The following MEIG1 variants were observed in gnomAD, a reference collection of about 807,000 sequenced individuals.
MEIG1 encodes meiosis expressed gene 1 protein homolog.
Under a neutral mutation model 11.3 loss-of-function variants are expected in MEIG1, and 12 were observed. The observed-to-expected ratio is 1.07, with a 90% CI of 0.68 to 1.73. The LOEUF is 1.73. MEIG1 is among the 40% of genes most tolerant of loss of function. The probability of loss-of-function intolerance (pLI) is 0.00; values close to 1 mark genes in which losing one functional copy is unlikely to be tolerated. For synonymous variants in MEIG1, 41 were observed against 33.2 expected, an observed-to-expected ratio of 1.24 and a Z score of -0.81; for missense variants, 119 against 104.9, an observed-to-expected ratio of 1.13 and a Z score of -0.59.
At chr10:14,974,848 G>A (rs1765932812), downstream of MEIG1, among the ~76,000 whole-genome samples, 1 of 151,828 alleles carries the variant, frequency 6.6e-6, no homozygotes, top group Non-Finnish European at 1.5e-5. Flanking sequence ...AACACTTTAT[G>A]AGCAATGATT....
At position 14,968,736 on chromosome 10, in the gene MEIG1, T is replaced by C. The variant is rs534733626; in HGVS notation, c.138+2130T>C. Among the ~76,000 whole-genome samples, 30 of 152,172 alleles carry C rather than the reference T, an allele frequency of 2.0e-4. 1 individual carries two copies. The South Asian group carries it at 6.0e-3, about 30-fold the overall frequency. On this transcript the variant is annotated intron_variant, in intron 2 of 2. Transcript: ENST00000407572. ...ATAATTTTCATTACTATATCATCTA[T>C]GGCTTTTAAACAGAAAAAACAGAAG...
chr10:14,962,491 A>G (rs1843025530), intron 1 of MEIG1, among the ~76,000 whole-genome samples: 2 of 152,198 alleles, frequency 1.3e-5, no homozygotes, highest in African/African-American at 4.8e-5. Flanking sequence ...CCCAAAGTCC[A>G]ATTGAATACA....
At chr10:14,965,271 T>A (rs1240747119) in intron 1 of MEIG1, among the ~76,000 whole-genome samples, 1 of 152,228 alleles carries the variant, frequency 6.6e-6, no homozygotes, top group East Asian at 1.9e-4. Flanking sequence ...TTCTGTACAC[T>A]TTATTTCAGT....
chr10:14,955,772 C>T (rs1248310386), upstream of MEIG1, among the ~76,000 whole-genome samples: 1 of 152,132 alleles, frequency 6.6e-6, no homozygotes, highest in Admixed American at 6.5e-5. Context: ...ACTCAGAGTT[C>T]TATTCAAATA....
At position 14,961,932 on chromosome 10, in the gene MEIG1, C is replaced by T. The variant is rs967581432; in HGVS notation, c.-30+2375C>T. 4.6e-5 allele frequency among the ~76,000 whole-genome samples: 7 copies of T among 152,034 alleles called. No homozygotes were observed. In the East Asian group the frequency reaches 9.6e-4, roughly 21 times the overall value. On this transcript the variant is annotated intron_variant, in intron 1 of 2. Transcript: ENST00000407572. ...AAACAATCCTCCCACCTTAGCCTCC[C>T]CAGTAGCTGAGACTACAGTCATGGG...
At chr10:14,964,635 A>ATTTTTT (rs1564504045) in intron 1 of MEIG1, among the ~76,000 whole-genome samples, 1 of 43,210 alleles carries the variant, frequency 2.3e-5, no homozygotes, top group Non-Finnish European at 4.9e-5. Context: ...ATATATGTAT[A>ATTTTTT]CTTTTTTTTT....
intron 2 of MEIG1, among the ~76,000 whole-genome samples, chr10:14,968,345 G>A (rs781057418): frequency 3.3e-5 from 5 of 151,930 alleles, no homozygotes; most frequent in Non-Finnish European, 5.9e-5. Flanking sequence ...AAAATTAGCC[G>A]GGCATGGTGG....
downstream of MEIG1, chr10:14,972,869 A>C: frequency 2.9e-6 from 1 of 339,664 alleles, no homozygotes; most frequent in Non-Finnish European, 5.4e-6. Context: ...CTTTTTGTCC[A>C]TTTTATTTTA....
chr10:14,964,290 T>G (rs1305088893), intron 1 of MEIG1, among the ~76,000 whole-genome samples: 3 of 152,000 alleles, frequency 2.0e-5, no homozygotes, highest in Non-Finnish European at 4.4e-5. Context: ...AAGGGAACAT[T>G]TAGGCTACAT....
At chr10:14,982,057 G>C (rs568879556) in intron 1 of MEIG1, among the ~76,000 whole-genome samples, 1 of 152,140 alleles carries the variant, frequency 6.6e-6, no homozygotes, top group Non-Finnish European at 1.5e-5. Context: ...GGTCTTCCGC[G>C]CTTTGATGGA....
At chr10:14,985,341 T>A (rs1340424896) in intron 1 of MEIG1, among the ~76,000 whole-genome samples, 3 of 152,150 alleles carry the variant, frequency 2.0e-5, no homozygotes, top group South Asian at 4.1e-4. Flanking sequence ...CCCTGTGATA[T>A]TATTTGTAAT....
chr10:14,984,286 G>T (rs1212396915), intron 1 of MEIG1, among the ~76,000 whole-genome samples: 1 of 151,892 alleles, frequency 6.6e-6, no homozygotes, highest in Non-Finnish European at 1.5e-5. Flanking sequence ...CGATTTTTCC[G>T]AGGAGATTTC....
intron 1 of MEIG1, among the ~76,000 whole-genome samples, chr10:14,984,641 A>G (rs1843300277): frequency 6.6e-6 from 1 of 152,108 alleles, no homozygotes; most frequent in South Asian, 2.1e-4. Context: ...ACACCTTGTC[A>G]AATTACTCGT....
At chr10:14,955,198 C>A (rs1842911909), upstream of MEIG1, among the ~76,000 whole-genome samples, 1 of 152,240 alleles carries the variant, frequency 6.6e-6, no homozygotes, top group Non-Finnish European at 1.5e-5. Flanking sequence ...TCCCAAAGTG[C>A]TGGGTGAGCC....
At chr10:14,980,893 C>T (rs866987577) in intron 1 of MEIG1, among the ~76,000 whole-genome samples, 1 of 152,248 alleles carries the variant, frequency 6.6e-6, no homozygotes. Context: ...CAGCTGTCCT[C>T]AGCTGGCAGC....
chr10:14,977,638 C>T (rs1206664542), downstream of MEIG1, among the ~76,000 whole-genome samples: 1 of 151,848 alleles, frequency 6.6e-6, no homozygotes, highest in East Asian at 1.9e-4. Context: ...AGAGATATAA[C>T]TCCTAATATC....
rs7079652 is a variant in MEIG1, at chr10:14,966,555, A to G, written c.87A>G (p.Gln29=). 0.05 allele frequency: 80,057 copies of G among 1,612,190 alleles called. 2,361 individuals carry two copies. The highest frequency in any genetic ancestry group is 0.06 in the Non-Finnish European group (71,021 of 1,179,056). ...TAGAAAATCTGTACAGATTTCAACA[A>G]GCAGGATATCGGGATGAAACCGAAT... ...EEIENLYRFQ[Q]AGYRDETEYR... Residue 29 remains glutamine (Q), a synonymous_variant, in exon 2 of 3, where the codon CAA becomes CAG. Transcript: ENST00000407572.
rs547084847 is a variant in MEIG1 at position 14,985,293 on chromosome 10, T to C, written n.67-1503T>C. On this transcript the variant is annotated intron_variant and non_coding_transcript_variant, in intron 1 of 2. Transcript: ENST00000467536. Reference sequence around the variant, plus strand: ...CCCTGTGATATGACTCGTCATATCCTGGCGGGATGTTACTACTAATGTCAC... The same window carrying C: ...CCCTGTGATATGACTCGTCATATCCCGGCGGGATGTTACTACTAATGTCAC... Among the ~76,000 whole-genome samples the C allele has an allele frequency of 3.9e-5, 6 of 152,142 alleles. 1 individual carries two copies. The East Asian group carries it at 1.2e-3, about 29-fold the overall frequency.
At chr10:14,987,472 A>G (rs1390917357) in intron 2 of MEIG1, 3 of 714,548 alleles carry the variant, frequency 4.2e-6, no homozygotes, top group Non-Finnish European at 7.8e-6. Context: ...AGAAGGAAAG[A>G]GGATTGGAAA....
Sources: allele counts gnomAD v4.1 joint callset (sites outside exome capture counted in the v4.1 genomes callset), GRCh38; gene constraint gnomAD v4.1.1; transcripts MANE v1.5; gene names NCBI Gene and HGNC (gene_info 2026-07-23, HGNC 2026-07-21).